NLK: variants seen among roughly 807,000 people sequenced by gnomAD.
NLK encodes serine/threonine-protein kinase NLK.
NLK carries 11 observed loss-of-function variants against 59.0 expected under a neutral mutation model. That is an observed-to-expected ratio of 0.19 (90% CI 0.12 to 0.31). NLK has a LOEUF of 0.31. NLK is among the 10% of genes least tolerant of loss of function. The probability of loss-of-function intolerance (pLI) is 1.00; values close to 1 mark genes in which losing one functional copy is unlikely to be tolerated. For missense variants in NLK, 410 were observed against 661.1 expected, an observed-to-expected ratio of 0.62 and a Z score of 4.16; for synonymous variants, 235 against 235.9, an observed-to-expected ratio of 1.00 and a Z score of 0.03.
chr17:28,157,643 A>T lies in NLK; in HGVS notation c.645-3517A>T, dbSNP rs533628881. Among the ~76,000 whole-genome samples, 4 of 152,262 alleles carry T rather than the reference A, an allele frequency of 2.6e-5. No individual in the cohort carries two copies. In the South Asian group the frequency reaches 8.3e-4, roughly 32 times the overall value. ...CACCTGGCCTACTTTATTAGTTTTT[A>T]AAAATGTTACTTAAAAAAAAGAATA... is the stretch of plus-strand genomic sequence containing the variant. On this transcript the variant is annotated intron_variant, in intron 3 of 10. Coordinates refer to ENST00000407008, the MANE Select transcript of NLK (RefSeq NM_016231.5).
At chr17:28,080,106 T>C (rs556954227) in intron 1 of NLK, among the ~76,000 whole-genome samples, 3 of 152,228 alleles carry the variant, frequency 2.0e-5, no homozygotes, top group Admixed American at 1.3e-4. Context: ...GCTGAAATTA[T>C]GTGCAGTATT....
At chr17:28,130,005 A>G (rs772106458) in intron 2 of NLK, among the ~76,000 whole-genome samples, 5 of 152,194 alleles carry the variant, frequency 3.3e-5, no homozygotes, top group Non-Finnish European at 7.4e-5. Context: ...TTTGGTAATG[A>G]CTATCATTTA....
At chr17:28,178,324 A>G (rs972106400) in intron 7 of NLK, among the ~76,000 whole-genome samples, 7 of 152,226 alleles carry the variant, frequency 4.6e-5, no homozygotes, top group Non-Finnish European at 7.4e-5. Context: ...GGAGATTGCA[A>G]TCAAGCCTAA....
At chr17:28,142,538 A>G (rs572517807) in intron 3 of NLK, among the ~76,000 whole-genome samples, 1 of 152,300 alleles carries the variant, frequency 6.6e-6, no homozygotes, top group South Asian at 2.1e-4. Flanking sequence ...AAGAGAACAC[A>G]ATGCTCTCTG....
At chr17:28,118,145 G>C (rs985605364) in intron 1 of NLK, among the ~76,000 whole-genome samples, 1 of 152,008 alleles carries the variant, frequency 6.6e-6, no homozygotes, top group Admixed American at 6.6e-5. Context: ...CTAAATACAA[G>C]TAAAAATAAG....
intron 2 of NLK, 95 bp downstream of exon 2, chr17:28,122,827 T>A (rs1246363742): frequency 7.0e-7 from 1 of 1,421,864 alleles, no homozygotes; most frequent in Non-Finnish European, 9.6e-7. Flanking sequence ...CACCTATAAG[T>A]AAAATTTGGA....
At chr17:28,077,082 T>TTC (rs1251641298) in intron 1 of NLK, among the ~76,000 whole-genome samples, 1 of 142,096 alleles carries the variant, frequency 7.0e-6, no homozygotes, top group Non-Finnish European at 1.5e-5. Context: ...TCTTTTTTTT[T>TTC]TTTTTTTTTT....
rs775357752 is a variant in NLK, at chr17:28,042,937, G to A, written c.64G>A (p.Ala22Thr). 6.5e-7 allele frequency: 1 copy of A among 1,544,772 alleles called. No individual in the cohort carries two copies. The highest frequency in any genetic ancestry group is 1.2e-5 in the South Asian group (1 of 82,670). The change falls in exon 1 of 11, where the codon GCA becomes ACA. Residue 22 changes from alanine (A) to threonine (T), a missense_variant. Ala to Thr is a moderately conservative substitution (Grantham distance 58). Around this residue, in one of 5 missense-constraint regions of NLK, gnomAD observed 160 missense variants for 171.0 expected, o/e 0.94. Coordinates refer to ENST00000407008, the MANE Select transcript of NLK (RefSeq NM_016231.5). ...GGCGGCTTACAATGGCGGTACATCTGCAGCAGCAGCAGGTCACCACCACCA... is the reference window on the plus strand; with the variant it reads ...GGCGGCTTACAATGGCGGTACATCTACAGCAGCAGCAGGTCACCACCACCA... ...MMAAYNGGTS[A>T]AAAGHHHHHH...
At chr17:28,170,938 T>C (rs1597721262) in intron 6 of NLK, among the ~76,000 whole-genome samples, 1 of 152,338 alleles carries the variant, frequency 6.6e-6, no homozygotes, top group East Asian at 1.9e-4. Context: ...AGATCTAAAA[T>C]AGGAAAAGGC....
At chr17:28,182,379 T>C (rs1388265295) in intron 7 of NLK, among the ~76,000 whole-genome samples, 1 of 152,230 alleles carries the variant, frequency 6.6e-6, no homozygotes, top group African/African-American at 2.4e-5. Context: ...TCTGAGGCTA[T>C]GACCAAGGTC....
chr17:28,135,068 A>G (rs909887653), intron 3 of NLK, among the ~76,000 whole-genome samples: 4 of 152,182 alleles, frequency 2.6e-5, no homozygotes, highest in Non-Finnish European at 5.9e-5. Context: ...ACCCCTCTTT[A>G]TTCTTTTTAG....
chr17:28,166,715 CTGG>C (rs1908254317), intron 5 of NLK, among the ~76,000 whole-genome samples: 1 of 152,144 alleles, frequency 6.6e-6, no homozygotes, highest in South Asian at 2.1e-4. Flanking sequence ...GTAGTAGTTG[CTGG>C]TGGTGGCACG....
intron 1 of NLK, among the ~76,000 whole-genome samples, chr17:28,070,354 A>AT (rs749066253): frequency 0.047 from 6,378 of 134,828 alleles, 232 homozygotes; most frequent in Non-Finnish European, 0.06. Flanking sequence ...TCTGAAATTA[A>AT]TTTTTTTTTT....
chr17:28,110,876 G>A (rs149442088), intron 1 of NLK, among the ~76,000 whole-genome samples: 2 of 150,918 alleles, frequency 1.3e-5, no homozygotes, highest in South Asian at 2.1e-4. Context: ...ACGGAGTCTC[G>A]CTCTGTCGCC....
At position 28,195,488 on chromosome 17, in the gene NLK, G is replaced by T. The variant is rs1166304808; in HGVS notation, c.*852G>T. Reference sequence around the variant, plus strand: ...AAGAGAACTAGCTTGCACATTTTAGGTCTGTGAAATTTTGTGAGACTTTTC... The same window carrying T: ...AAGAGAACTAGCTTGCACATTTTAGTTCTGTGAAATTTTGTGAGACTTTTC... On this transcript the variant is annotated 3_prime_UTR_variant, in exon 11 of 11. Transcript: ENST00000407008. 6.6e-6 allele frequency: 1 copy of T among 152,104 alleles called. No individual in the cohort carries two copies. Among genetic ancestry groups the T allele is most frequent in the Non-Finnish European group, 1.5e-5 (1 of 67,970 alleles). The allele number at this position is 152,104 out of a possible 1,614,324, so 9.4% of individuals were successfully genotyped here. A position where few individuals can be genotyped will look rare whatever the true frequency, so the allele number is the denominator to read the frequency against.
chr17:28,164,394 A>C (rs2142050512), intron 5 of NLK, among the ~76,000 whole-genome samples: 1 of 152,074 alleles, frequency 6.6e-6, no homozygotes, highest in Admixed American at 6.6e-5. Flanking sequence ...AAAAAGTGAA[A>C]ATGCCAAACC....
intron 1 of NLK, among the ~76,000 whole-genome samples, chr17:28,090,020 GA>G: frequency 6.6e-6 from 1 of 152,142 alleles, no homozygotes; most frequent in East Asian, 1.9e-4. Flanking sequence ...GTCTTTTGAA[GA>G]GCAGAAGTTT....
chr17:28,046,380 A>G (rs181873004), intron 1 of NLK, among the ~76,000 whole-genome samples: 1 of 152,330 alleles, frequency 6.6e-6, no homozygotes, highest in East Asian at 1.9e-4. Flanking sequence ...TTTATCTCAA[A>G]GTAAGAGTTC....
chr17:28,154,681 T>C (rs190841941), intron 3 of NLK, among the ~76,000 whole-genome samples: 2 of 152,308 alleles, frequency 1.3e-5, no homozygotes, highest in Admixed American at 1.3e-4. Flanking sequence ...GTATATGTAA[T>C]ATCCTCACAT....
Sources: gnomAD v4.1 joint callset for allele counts (sites outside exome capture counted in the v4.1 genomes callset) on GRCh38, gnomAD v4.1.1 for gene constraint, gnomAD v4.1.1 regional missense constraint, MANE v1.5 for transcripts, NCBI Gene and HGNC (gene_info 2026-07-23, HGNC 2026-07-21) for gene names.